Variants in DSCAM observed in about 807,000 individuals in gnomAD.
DSCAM encodes DS cell adhesion molecule.
DSCAM carries 47 observed loss-of-function variants against 217.7 expected under a neutral mutation model. That is an observed-to-expected ratio of 0.22 (90% CI 0.17 to 0.28). DSCAM has a LOEUF of 0.28. Among genes scored for constraint, DSCAM ranks in the 10% least tolerant of loss-of-function variants. DSCAM has a pLI of 1.00. For synonymous variants in DSCAM, 1,056 were observed against 1,015.3 expected (o/e 1.04, Z -0.76); for missense variants, 2,080 against 2,618.3 (o/e 0.79, Z 4.49).
At position 40,012,299 on chromosome 21, in the gene DSCAM, G is replaced by A. The variant is rs1041070078; in HGVS notation, c.*735C>T. ...CTGAGGAGTTCAGGGTGTTAGTATCGACTCTGGTTTATTGAATTGGGCTCT... is the reference window on the plus strand; with the variant it reads ...CTGAGGAGTTCAGGGTGTTAGTATCAACTCTGGTTTATTGAATTGGGCTCT... On this transcript the variant is annotated 3_prime_UTR_variant, in exon 33 of 33. Coordinates refer to ENST00000400454, the MANE Select transcript of DSCAM (RefSeq NM_001389.5). 6.6e-6 allele frequency: 1 copy of A among 152,156 alleles called. No individual in the cohort carries two copies. Among genetic ancestry groups the A allele is most frequent in the Non-Finnish European group, 1.5e-5 (1 of 68,040 alleles). The allele number at this position is 152,156 out of a possible 1,614,324, so 9.4% of individuals were successfully genotyped here.
intron 3 of DSCAM, among the ~76,000 whole-genome samples, chr21:40,572,637 A>C (rs539928058): frequency 6.6e-6 from 1 of 152,324 alleles, no homozygotes; most frequent in South Asian, 2.1e-4. Context: ...AATTCAAGAC[A>C]AATAGTAACC....
chr21:40,793,847 C>A (rs1323239206), intron 1 of DSCAM, among the ~76,000 whole-genome samples: 1 of 152,072 alleles, frequency 6.6e-6, no homozygotes, highest in Admixed American at 6.5e-5. Context: ...AGCATTTTGT[C>A]TGGCTTAGAC....
intron 3 of DSCAM, chr21:40,383,039 G>T (rs981731118): frequency 7.2e-5 from 11 of 152,232 alleles, no homozygotes; most frequent in African/African-American, 2.7e-4. Context: ...GATTGGAAAT[G>T]ATATATCTGG....
chr21:40,380,129 A>G (rs1182277297), intron 3 of DSCAM, among the ~76,000 whole-genome samples: 1 of 152,240 alleles, frequency 6.6e-6, no homozygotes, highest in African/African-American at 2.4e-5. Flanking sequence ...CTGCAGTTAA[A>G]TGAGGCTCAA....
chr21:40,725,608 A>G (rs911780935), intron 1 of DSCAM, among the ~76,000 whole-genome samples: 7 of 152,232 alleles, frequency 4.6e-5, no homozygotes, highest in Non-Finnish European at 8.8e-5. Flanking sequence ...CCGTGTGCTC[A>G]CACAGCACTG....
intron 1 of DSCAM, among the ~76,000 whole-genome samples, chr21:40,805,433 C>T (rs982794740): frequency 6.6e-6 from 1 of 152,166 alleles, no homozygotes; most frequent in African/African-American, 2.4e-5. Context: ...CACAGGAGTC[C>T]AGACAGGAGA....
chr21:40,349,136 C>CAAAAAAAAAAAAAAGAAAAAAA (rs2074600453), intron 5 of DSCAM, among the ~76,000 whole-genome samples: 1 of 38,720 alleles, frequency 2.6e-5, no homozygotes, highest in Non-Finnish European at 4.8e-5. Flanking sequence ...GACTCCATCT[C>CAAAAAAAAAAAAAAGAAAAAAA]AAAAAAAAAA....
chr21:40,440,846 T>C lies in DSCAM; in HGVS notation c.509-71601A>G, dbSNP rs1034518246. ...TGAGTGGATGGAATGAGTTGACATA[T>C]GTAAATTGAACAGCACTTACAGTGT... On this transcript the variant is annotated intron_variant, in intron 3 of 32. Coordinates refer to ENST00000400454, the MANE Select transcript of DSCAM (RefSeq NM_001389.5). Among the ~76,000 whole-genome samples the C allele has an allele frequency of 3.9e-5, 6 of 152,306 alleles. No homozygotes were observed. In the East Asian group the frequency reaches 9.7e-4, roughly 25 times the overall value.
At chr21:40,225,382 C>A (rs955009011) in intron 11 of DSCAM, among the ~76,000 whole-genome samples, 4 of 152,150 alleles carry the variant, frequency 2.6e-5, no homozygotes, top group Non-Finnish European at 5.9e-5. Context: ...CTTCCCCCAG[C>A]GATCTCAGGC....
Position 40,846,623 on chromosome 21 carries a change from C to T in DSCAM, c.39G>A (p.Ala13=). 7.4e-7 allele frequency: 1 copy of T among 1,346,838 alleles called. No homozygotes were observed. The highest frequency in any genetic ancestry group is 1.8e-5 in the South Asian group (1 of 54,682). The allele number at this position is 1,346,838 out of a possible 1,614,324, so 83.4% of individuals were successfully genotyped here. A position where few individuals can be genotyped will look rare whatever the true frequency, so the allele number is the denominator to read the frequency against. Residue 13 remains alanine (A), a synonymous_variant, in exon 1 of 33, where the codon GCG becomes GCA. Coordinates refer to ENST00000400454, the MANE Select transcript of DSCAM (RefSeq NM_001389.5). The stretch of plus-strand genomic sequence containing the variant: ...ATCACAAACCGAAAGGCTCACCATT[C>T]GCGAAGCTCTGGAACAAGGAGAGAG... ...ILALSLFQSF[A]NVFSEDLHSS...
At position 40,480,135 on chromosome 21, in the gene DSCAM, C is replaced by T. The variant is rs540026413; in HGVS notation, c.509-110890G>A. On this transcript the variant is annotated intron_variant, in intron 3 of 32. Coordinates refer to ENST00000400454, the MANE Select transcript of DSCAM (RefSeq NM_001389.5). Reference sequence around the variant, plus strand: ...AAATGAGGCAGAGGAAGGTCAAACGCCATTTCTCTGGGAGTCCTTGTTCAA... The same window carrying T: ...AAATGAGGCAGAGGAAGGTCAAACGTCATTTCTCTGGGAGTCCTTGTTCAA... Among the ~76,000 whole-genome samples, 6 of 152,322 alleles carry T rather than the reference C, an allele frequency of 3.9e-5. No homozygotes were observed. In the South Asian group the frequency reaches 1.2e-3, roughly 32 times the overall value.
Position 40,078,679 on chromosome 21 carries a change from C to G in DSCAM, c.4711+8G>C, listed in dbSNP as rs1373996675. The G allele has an allele frequency of 6.2e-7, 1 of 1,608,628 alleles. No homozygotes were observed. The highest frequency in any genetic ancestry group is 1.1e-5 in the South Asian group (1 of 90,688). ...CAAGCAGGAGAGCCACAAAGCCAGC[C>G]AGCTTACTGCCATCGTAGTTCAGCG... On this transcript the variant is annotated splice_region_variant and intron_variant, in intron 26 of 32. Coordinates refer to ENST00000400454, the MANE Select transcript of DSCAM (RefSeq NM_001389.5).
At chr21:40,738,893 G>A (rs929435641) in intron 1 of DSCAM, among the ~76,000 whole-genome samples, 12 of 152,102 alleles carry the variant, frequency 7.9e-5, no homozygotes, top group Non-Finnish European at 1.8e-4. Context: ...CGAGTCACAC[G>A]GACAATCCCC....
chr21:40,330,898 T>TC (rs2074371458), intron 8 of DSCAM, among the ~76,000 whole-genome samples: 1 of 152,142 alleles, frequency 6.6e-6, no homozygotes, highest in African/African-American at 2.4e-5. Flanking sequence ...ATTCTATTTT[T>TC]CCCCAGGTCT....
chr21:40,421,931 C>T (rs1431034263), intron 3 of DSCAM, among the ~76,000 whole-genome samples: 3 of 152,116 alleles, frequency 2.0e-5, no homozygotes, highest in Admixed American at 6.6e-5. Flanking sequence ...GGTTTCCCTG[C>T]CTAAGACAAA....
intron 18 of DSCAM, among the ~76,000 whole-genome samples, chr21:40,140,063 A>C (rs1006515233): frequency 2.6e-5 from 4 of 151,896 alleles, no homozygotes; most frequent in Admixed American, 2.0e-4. Context: ...CTTCCTGCTC[A>C]GTGTCTGTGG....
Position 40,439,215 on chromosome 21 carries a change from T to C in DSCAM, c.509-69970A>G, listed in dbSNP as rs79131032. On this transcript the variant is annotated intron_variant, in intron 3 of 32. Coordinates refer to ENST00000400454, the MANE Select transcript of DSCAM (RefSeq NM_001389.5). The stretch of plus-strand genomic sequence containing the variant: ...GAAACTAGACACAAAACAGCTATGA[T>C]AGGTCTTGCAAATAGTACTCAATAA... Among the ~76,000 whole-genome samples the C allele has an allele frequency of 7.7e-3, 1,167 of 152,308 alleles. 20 individuals are homozygous for C. Among genetic ancestry groups the C allele is most frequent in the African/African-American group, 0.025 (1,053 of 41,570 alleles).
chr21:40,813,027 A>G (rs1471502494), intron 1 of DSCAM, among the ~76,000 whole-genome samples: 2 of 152,230 alleles, frequency 1.3e-5, no homozygotes, highest in Admixed American at 1.3e-4. Context: ...CCAGGTGTTG[A>G]GTGAGTATAG....
chr21:40,028,580 G>A (rs1333791373), intron 32 of DSCAM, among the ~76,000 whole-genome samples: 1 of 152,170 alleles, frequency 6.6e-6, no homozygotes, highest in Non-Finnish European at 1.5e-5. Context: ...CGTCAGAAAA[G>A]CACAGTATTC....
Sources: allele counts gnomAD v4.1 joint callset (sites outside exome capture counted in the v4.1 genomes callset), GRCh38; gene constraint gnomAD v4.1.1; transcripts MANE v1.5; gene names NCBI Gene and HGNC (gene_info 2026-07-23, HGNC 2026-07-21).